AGO2: variants seen among roughly 807,000 people sequenced by gnomAD.
The protein encoded by AGO2 is argonaute RISC catalytic component 2.
In AGO2, 5 loss-of-function variants were observed where a neutral mutation model predicts 102.3. The ratio of observed to expected loss-of-function variants is 0.05; its 90% CI spans 0.03 to 0.10. The LOEUF (loss-of-function observed/expected upper bound fraction) is 0.10, where lower values mean the gene tolerates loss of function less well. Ranked by LOEUF, AGO2 falls within the 10% of genes least tolerant of loss-of-function variation. The probability of loss-of-function intolerance (pLI) is 1.00; values close to 1 mark genes in which losing one functional copy is unlikely to be tolerated. For missense variants in AGO2, 541 were observed against 1,183.7 expected, an observed-to-expected ratio of 0.46 and a Z score of 7.97; for synonymous variants, 449 against 473.1, an observed-to-expected ratio of 0.95 and a Z score of 0.66.
chr8:140,605,298 T>C (rs2073983450), intron 1 of AGO2, among the ~76,000 whole-genome samples: 1 of 152,190 alleles, frequency 6.6e-6, no homozygotes, highest in Admixed American at 6.5e-5. Context: ...GGTTTCACCA[T>C]GTTGCCCAGG....
At chr8:140,591,122 G>C (rs2073740912) in intron 1 of AGO2, among the ~76,000 whole-genome samples, 1 of 152,272 alleles carries the variant, frequency 6.6e-6, no homozygotes, top group Admixed American at 6.5e-5. Flanking sequence ...AGCGGGGGCA[G>C]CGGAGCTGTC....
At position 140,595,789 on chromosome 8, in the gene AGO2, C is replaced by T. The variant is rs185747088; in HGVS notation, c.23-10478G>A. ...ATTATATTATATACAATTGTATATA[C>T]AATTATATTATATACAATTGTATAT... On this transcript the variant is annotated intron_variant, in intron 1 of 18. Transcript: ENST00000220592. 9.9e-4 allele frequency among the ~76,000 whole-genome samples: 33 copies of T among 33,390 alleles called. 2 individuals are homozygous for T. Among genetic ancestry groups the T allele is most frequent in the Middle Eastern group, 0.019 (1 of 54 alleles). The allele number at this position is 33,390 out of a possible 152,430, so 21.9% of individuals were successfully genotyped here.
At chr8:140,593,884 G>C (rs2073782766) in intron 1 of AGO2, among the ~76,000 whole-genome samples, 1 of 152,126 alleles carries the variant, frequency 6.6e-6, no homozygotes, top group South Asian at 2.1e-4. Flanking sequence ...ACGCTGCCTT[G>C]AATCGATAAC....
At chr8:140,631,439 C>A (rs191385397) in intron 1 of AGO2, among the ~76,000 whole-genome samples, 134 of 150,866 alleles carry the variant, frequency 8.9e-4, no homozygotes, top group African/African-American at 2.9e-3. Flanking sequence ...GAGGCTGAGG[C>A]AGGAGAATCG....
Position 140,589,043 on chromosome 8 carries a change from G to A in AGO2, c.23-3732C>T, listed in dbSNP as rs1012388217. Among the ~76,000 whole-genome samples the A allele has an allele frequency of 1.2e-4, 19 of 152,246 alleles. No individual in the cohort carries two copies. The highest frequency in any genetic ancestry group is 8.8e-5 in the Non-Finnish European group (6 of 68,036). The stretch of plus-strand genomic sequence containing the variant: ...AAAAATTTCAGTATACACAGCGGAC[G>A]TCAGCAGAGGTGGGCGGCAGGCGAG... On this transcript the variant is annotated intron_variant, in intron 1 of 18. Coordinates refer to ENST00000220592, the MANE Select transcript of AGO2 (RefSeq NM_012154.5). The surrounding 1 kb of genome is among the most constrained non-coding windows in gnomAD (Gnocchi z 4.2).
intron 1 of AGO2, among the ~76,000 whole-genome samples, chr8:140,590,082 A>G (rs1268953234): frequency 1.3e-5 from 2 of 152,190 alleles, no homozygotes; most frequent in South Asian, 2.1e-4. Flanking sequence ...GCTGTCTCCC[A>G]TGCCAGGCCC....
At chr8:140,541,947 C>G (rs2072806520) in intron 14 of AGO2, among the ~76,000 whole-genome samples, 1 of 152,126 alleles carries the variant, frequency 6.6e-6, no homozygotes, top group Non-Finnish European at 1.5e-5. Flanking sequence ...TTAGAACTAT[C>G]CTCTGCTTGG....
rs1220981589 is a variant in AGO2 at position 140,541,248 on chromosome 8, G to A, written c.1950C>T (p.Leu650=). 6.2e-6 allele frequency: 10 copies of A among 1,612,332 alleles called. No homozygotes were observed. The highest frequency in any genetic ancestry group is 8.5e-6 in the Non-Finnish European group (10 of 1,179,406). Residue 650 remains leucine (L), a synonymous_variant, in exon 15 of 19, where the codon CTC becomes CTT. Coordinates refer to ENST00000220592, the MANE Select transcript of AGO2 (RefSeq NM_012154.5). ...QDLAAMVREL[L]IQFYKSTRFK... ...AGCGCGTGGACTTGTAGAACTGGAT[G>A]AGGAGCTCGCGGACCATGGCGGCCA... is the stretch of plus-strand genomic sequence containing the variant.
intron 1 of AGO2, among the ~76,000 whole-genome samples, chr8:140,591,095 G>C (rs1211269200): frequency 6.6e-6 from 1 of 152,248 alleles, no homozygotes; most frequent in African/African-American, 2.4e-5. Flanking sequence ...GCAGCCCCGG[G>C]TGGGGGCAGT....
rs1158187990 is a variant in AGO2 at position 140,526,012 on chromosome 8, T to C, written c.*6032A>G. 6.6e-6 allele frequency: 1 copy of C among 152,188 alleles called. No homozygotes were observed. The highest frequency in any genetic ancestry group is 2.4e-5 in the African/African-American group (1 of 41,448). 9.4% of individuals were successfully genotyped at this position (152,188 alleles called of 1,614,324 possible). A position where few individuals can be genotyped will look rare whatever the true frequency, so the allele number is the denominator to read the frequency against. On this transcript the variant is annotated 3_prime_UTR_variant, in exon 19 of 19. Coordinates refer to ENST00000220592, the MANE Select transcript of AGO2 (RefSeq NM_012154.5). This position sits in a 1 kb window ranked among gnomAD's most constrained non-coding sequence, Gnocchi z 5.2. ...TCTTTTCAAACAAAGGGCCCTGGAT[T>C]TGAACAGAATGCTTTGCTTTCAACC...
intron 1 of AGO2, among the ~76,000 whole-genome samples, chr8:140,599,116 G>C (rs2073891185): frequency 6.6e-6 from 1 of 152,210 alleles, no homozygotes; most frequent in Non-Finnish European, 1.5e-5. Flanking sequence ...ATGCCCAGCA[G>C]TGTTAAAATC....
At chr8:140,570,619 A>G (rs975951143) in intron 3 of AGO2, among the ~76,000 whole-genome samples, 2 of 152,172 alleles carry the variant, frequency 1.3e-5, no homozygotes, top group African/African-American at 4.8e-5. Context: ...GAGATGCACC[A>G]CCCAGGACCG....
At chr8:140,552,419 G>A (rs1249835789) in intron 10 of AGO2, among the ~76,000 whole-genome samples, 1 of 152,214 alleles carries the variant, frequency 6.6e-6, no homozygotes, top group Non-Finnish European at 1.5e-5. Flanking sequence ...CGTGTGGGAG[G>A]GACAGGCACT....
At chr8:140,573,605 C>T (rs927577395) in intron 2 of AGO2, among the ~76,000 whole-genome samples, 1 of 152,318 alleles carries the variant, frequency 6.6e-6, no homozygotes, top group East Asian at 1.9e-4. Context: ...TAGTGAAACA[C>T]GGGAGAACCT....
At chr8:140,594,699 C>CAA (rs2073797412) in intron 1 of AGO2, among the ~76,000 whole-genome samples, 1 of 151,908 alleles carries the variant, frequency 6.6e-6, no homozygotes, top group South Asian at 2.1e-4. Context: ...CCCAGCTACT[C>CAA]GGGGGTGCTG....
chr8:140,607,784 G>A (rs1297752952), intron 1 of AGO2, among the ~76,000 whole-genome samples: 1 of 152,004 alleles, frequency 6.6e-6, no homozygotes, highest in African/African-American at 2.4e-5. Context: ...GTGGGAGGGG[G>A]CCATAGGAAG....
intron 2 of AGO2, among the ~76,000 whole-genome samples, chr8:140,583,504 A>G (rs1304962790): frequency 6.6e-6 from 1 of 152,230 alleles, no homozygotes; most frequent in Non-Finnish European, 1.5e-5. Flanking sequence ...CCACACACCT[A>G]GGCCACAAAC....
intron 2 of AGO2, among the ~76,000 whole-genome samples, chr8:140,574,076 G>A (rs184857377): frequency 1.3e-3 from 203 of 152,194 alleles, no homozygotes; most frequent in Non-Finnish European, 1.4e-3. Context: ...GCTGCTAGAT[G>A]CAAGGGAGCT....
intron 13 of AGO2, among the ~76,000 whole-genome samples, chr8:140,545,940 G>C (rs1053272553): frequency 1.1e-4 from 16 of 152,180 alleles, no homozygotes; most frequent in Admixed American, 9.8e-4. Flanking sequence ...ACGTGGGAGG[G>C]CCTGTCTCTT....
Sources: gnomAD v4.1 joint callset for allele counts (sites outside exome capture counted in the v4.1 genomes callset) on GRCh38, gnomAD v4.1.1 for gene constraint, Gnocchi (gnomAD v3.1) non-coding constraint, MANE v1.5 for transcripts, NCBI Gene and HGNC (gene_info 2026-07-23, HGNC 2026-07-21) for gene names.